Variants in EDARADD observed in about 807,000 individuals in gnomAD.
EDARADD encodes EDAR associated via death domain.
A neutral mutation model predicts 25.6 loss-of-function variants in EDARADD; 20 were observed. The observed-to-expected ratio is 0.78, with a 90% CI of 0.55 to 1.14. The LOEUF (loss-of-function observed/expected upper bound fraction) is 1.14. Ranked by LOEUF, EDARADD falls within the 50% of genes most tolerant of loss-of-function variation. The probability of loss-of-function intolerance (pLI) is 0.00; values close to 1 mark genes in which losing one functional copy is unlikely to be tolerated. For missense variants in EDARADD, 225 were observed against 270.1 expected, an observed-to-expected ratio of 0.83 and a Z score of 1.17; for synonymous variants, 86 against 94.4, an observed-to-expected ratio of 0.91 and a Z score of 0.52.
At chr1:236,352,878 T>G (rs1666933166) in intron 3 of EDARADD, among the ~76,000 whole-genome samples, 1 of 151,872 alleles carries the variant, frequency 6.6e-6, no homozygotes, top group Admixed American at 6.6e-5. Context: ...GGTGCAGTGG[T>G]GTGTGCATGT....
chr1:236,389,943 G>A (rs918300114), upstream of EDARADD, among the ~76,000 whole-genome samples: 2 of 152,134 alleles, frequency 1.3e-5, no homozygotes, highest in South Asian at 4.1e-4. Context: ...TCAGGACGAC[G>A]ACGCTGCAGT....
In EDARADD at chr1:236,409,281, G is replaced by A. The variant is rs149429886; in HGVS notation, c.120+7G>A. The A allele has an allele frequency of 2.2e-4, 351 of 1,606,714 alleles. 3 individuals are homozygous for A. The African/African-American group carries it at 4.2e-3, about 19-fold the overall frequency. ...CACTTTATCCTTTAATATGGTAGGT[G>A]ACAAATTTTACACTAATGGTGATAA... On this transcript the variant is annotated splice_region_variant and intron_variant, in intron 2 of 5. Coordinates refer to ENST00000334232, the MANE Select transcript of EDARADD (RefSeq NM_145861.4).
rs552737204 is a variant in EDARADD, at chr1:236,407,499, T to C, written c.62-1717T>C. Among the ~76,000 whole-genome samples the C allele has an allele frequency of 7.2e-5, 11 of 152,340 alleles. No individual in the cohort carries two copies. The South Asian group carries it at 2.3e-3, about 32-fold the overall frequency. ...TGGAAAGTTCAGACACATTCTCAGC[T>C]GGGAAACACCTAGGAAGAACACACA... On this transcript the variant is annotated intron_variant, in intron 1 of 5. Transcript: ENST00000334232.
chr1:236,438,826 A>C (rs1185888348), intron 4 of EDARADD, among the ~76,000 whole-genome samples: 2 of 152,036 alleles, frequency 1.3e-5, no homozygotes, highest in African/African-American at 2.4e-5. Context: ...GTTATGATTG[A>C]TGAACCTACG....
intron 3 of EDARADD, among the ~76,000 whole-genome samples, chr1:236,383,170 A>G (rs1405351759): frequency 3.3e-5 from 5 of 152,020 alleles, no homozygotes; most frequent in Non-Finnish European, 4.4e-5. Context: ...CAAGATGGAC[A>G]TATCACCTGA....
At chr1:236,373,154 A>G (rs1291139285) in intron 3 of EDARADD, among the ~76,000 whole-genome samples, 2 of 149,242 alleles carry the variant, frequency 1.3e-5, no homozygotes, top group African/African-American at 5.0e-5. Context: ...TGACCTTGTG[A>G]TCCGCCCGCC....
At chr1:236,368,991 T>C (rs1292857981) in intron 3 of EDARADD, among the ~76,000 whole-genome samples, 1 of 152,046 alleles carries the variant, frequency 6.6e-6, no homozygotes, top group African/African-American at 2.4e-5. Flanking sequence ...GACAGAGTCT[T>C]GCTATGTTGC....
intron 4 of EDARADD, among the ~76,000 whole-genome samples, chr1:236,435,274 T>C (rs2103019733): frequency 6.6e-6 from 1 of 152,308 alleles, no homozygotes; most frequent in Non-Finnish European, 1.5e-5. Context: ...AAGAAAACCA[T>C]CTGTGCTCAA....
rs1659351601 is a variant in EDARADD at position 236,471,250 on chromosome 1, C to A, written c.265+2974C>A. On this transcript the variant is annotated intron_variant, in intron 5 of 5. Coordinates refer to ENST00000334232, the MANE Select transcript of EDARADD (RefSeq NM_145861.4). ...AAAACGAAATCATGTTGTTTTTCCC[C>A]TTTGGTTAAGAGATCAAACGCCCAC... Among the ~76,000 whole-genome samples, 7 of 152,214 alleles carry A rather than the reference C, an allele frequency of 4.6e-5. No individual in the cohort carries two copies. The South Asian group carries it at 1.2e-3, about 27-fold the overall frequency.
In EDARADD at chr1:236,434,486, C is replaced by T. The variant is rs151274625; in HGVS notation, c.219+7036C>T. 3.7e-4 allele frequency among the ~76,000 whole-genome samples: 57 copies of T among 152,292 alleles called. 1 individual carries two copies. Among genetic ancestry groups the T allele is most frequent in the Admixed American group, 1.4e-3 (21 of 15,306 alleles). On this transcript the variant is annotated intron_variant, in intron 4 of 5. Transcript: ENST00000334232. Reference sequence around the variant, plus strand: ...AACTCCTGACCTCAAGCGATCCACCCGCCTCAGCCTCCCAAAGTGTTAGGA... The same window carrying T: ...AACTCCTGACCTCAAGCGATCCACCTGCCTCAGCCTCCCAAAGTGTTAGGA...
chr1:236,405,769 CTTTCTTTCTTTCTTTCTTTCTTTTCT>C (rs1667702798), intron 1 of EDARADD, among the ~76,000 whole-genome samples: 10 of 69,788 alleles, frequency 1.4e-4, no homozygotes, highest in Non-Finnish European at 2.1e-4. Flanking sequence ...TTCTTTCTTT[CTTTCTTTCTTTCTTTCTTTCTTTTCT>C]TTTTCTTTCT....
chr1:236,397,997 G>A (rs1318087646), intron 1 of EDARADD, among the ~76,000 whole-genome samples: 2 of 152,010 alleles, frequency 1.3e-5, no homozygotes, highest in Non-Finnish European at 1.5e-5. Flanking sequence ...ATACTCTCTC[G>A]CCTGATTTCC....
chr1:236,453,293 T>C (rs1300761827), intron 4 of EDARADD, among the ~76,000 whole-genome samples: 2 of 150,986 alleles, frequency 1.3e-5, no homozygotes, highest in Non-Finnish European at 3.0e-5. Context: ...TTTTTTTTTT[T>C]TTTGAGATGG....
intron 5 of EDARADD, among the ~76,000 whole-genome samples, chr1:236,478,425 A>C (rs1321778028): frequency 6.7e-6 from 1 of 149,670 alleles, no homozygotes; most frequent in Non-Finnish European, 1.5e-5. Context: ...ATATATATAT[A>C]TCTGGATGGA....
intron 2 of EDARADD, among the ~76,000 whole-genome samples, chr1:236,410,316 A>C (rs1484967150): frequency 6.8e-6 from 1 of 146,178 alleles, no homozygotes; most frequent in African/African-American, 2.5e-5. Flanking sequence ...CCCATTCTTT[A>C]GCTCCCACTT....
chr1:236,462,181 C>T (rs1465846532), intron 4 of EDARADD, among the ~76,000 whole-genome samples: 1 of 152,162 alleles, frequency 6.6e-6, no homozygotes, highest in African/African-American at 2.4e-5. Context: ...ACTTCCCTAG[C>T]ATGTCAGCTC....
chr1:236,402,716 G>C (rs1049859768), intron 1 of EDARADD, among the ~76,000 whole-genome samples: 3 of 151,842 alleles, frequency 2.0e-5, no homozygotes, highest in Non-Finnish European at 2.9e-5. Flanking sequence ...CTGGCCATGA[G>C]GCACTTCTAG....
chr1:236,415,667 A>T (rs1657616763), intron 3 of EDARADD, among the ~76,000 whole-genome samples: 1 of 151,630 alleles, frequency 6.6e-6, no homozygotes. Context: ...CTGGTCTTGA[A>T]CTCCTGACCT....
chr1:236,413,362 A>C (rs2103009934), intron 2 of EDARADD, among the ~76,000 whole-genome samples: 1 of 152,328 alleles, frequency 6.6e-6, no homozygotes, highest in East Asian at 1.9e-4. Context: ...CCAGCTCCAA[A>C]GAAACTCCCA....
Sources: gnomAD v4.1 joint callset for allele counts (sites outside exome capture counted in the v4.1 genomes callset) on GRCh38, gnomAD v4.1.1 for gene constraint, MANE v1.5 for transcripts, NCBI Gene and HGNC (gene_info 2026-07-23, HGNC 2026-07-21) for gene names.